The following TRDN variants were observed in gnomAD, a reference collection of about 807,000 sequenced individuals.
The protein encoded by TRDN is triadin in skeletal muscle.
A neutral mutation model predicts 149.7 loss-of-function variants in TRDN; 161 were observed. The observed-to-expected ratio is 1.08, with a 90% CI of 0.95 to 1.23. The LOEUF is 1.23. Ranked by LOEUF, TRDN falls within the 50% of genes most tolerant of loss-of-function variation. TRDN has a pLI of 0.00. For synonymous variants in TRDN, 294 were observed against 250.5 expected (o/e 1.17, Z -1.64); for missense variants, 896 against 823.5 (o/e 1.09, Z -1.08).
At chr6:123,291,559 C>T (rs1214698370) in intron 24 of TRDN, among the ~76,000 whole-genome samples, 3 of 151,612 alleles carry the variant, frequency 2.0e-5, no homozygotes, top group Non-Finnish European at 2.9e-5. Context: ...AGTGAGACTC[C>T]GTCACACAAA....
Position 123,559,798 on chromosome 6 carries a change from C to A in TRDN, c.232+11125G>T, listed in dbSNP as rs530173312. On this transcript the variant is annotated intron_variant, in intron 2 of 40. Transcript: ENST00000334268. The stretch of plus-strand genomic sequence containing the variant: ...TATCAACCAAATTGTTTTGCCTATC[C>A]ACCCTGTGGTTCCAAACCCATATAC... 6.9e-4 allele frequency among the ~76,000 whole-genome samples: 105 copies of A among 152,214 alleles called. 1 individual carries two copies. Among genetic ancestry groups the A allele is most frequent in the South Asian group, 1.7e-3 (8 of 4,828 alleles).
intron 9 of TRDN, among the ~76,000 whole-genome samples, chr6:123,477,926 G>A (rs1777570797): frequency 6.9e-6 from 1 of 145,470 alleles, no homozygotes; most frequent in Non-Finnish European, 1.5e-5. Flanking sequence ...GGGGGAGGGG[G>A]AAGGGATAGC....
At chr6:123,398,454 C>T (rs1378870301) in intron 12 of TRDN, among the ~76,000 whole-genome samples, 2 of 152,158 alleles carry the variant, frequency 1.3e-5, no homozygotes, top group African/African-American at 4.8e-5. Flanking sequence ...ATATATACAT[C>T]CTTTATTTTT....
chr6:123,378,452 TAG>T (rs1491395556), intron 16 of TRDN, among the ~76,000 whole-genome samples: 2 of 113,604 alleles, frequency 1.8e-5, no homozygotes, highest in Non-Finnish European at 3.6e-5. Context: ...GCCAGATTTG[TAG>T]TGTGTGTGTG....
intron 10 of TRDN, among the ~76,000 whole-genome samples, chr6:123,449,101 A>T (rs1775599829): frequency 6.6e-6 from 1 of 152,184 alleles, no homozygotes; most frequent in Non-Finnish European, 1.5e-5. Flanking sequence ...TCACTCTGAC[A>T]GAGCCTACCC....
chr6:123,247,377 A>G (rs763527054), intron 38 of TRDN, among the ~76,000 whole-genome samples: 23 of 152,216 alleles, frequency 1.5e-4, no homozygotes, highest in Admixed American at 1.1e-3. Flanking sequence ...AAACTCATTT[A>G]GCTAATAAGC....
intron 9 of TRDN, among the ~76,000 whole-genome samples, chr6:123,466,465 T>A (rs779325880): frequency 2.6e-5 from 4 of 152,126 alleles, no homozygotes; most frequent in African/African-American, 7.2e-5. Context: ...ATAAGTGGAA[T>A]TGGATTTCAA....
chr6:123,444,047 T>C (rs1252817391), intron 10 of TRDN, among the ~76,000 whole-genome samples: 1 of 149,916 alleles, frequency 6.7e-6, no homozygotes, highest in Admixed American at 6.6e-5. Flanking sequence ...TTTTTTCCAA[T>C]TCTGTGAAGA....
At position 123,331,869 on chromosome 6, in the gene TRDN, A is replaced by T. The variant is rs1408593994; in HGVS notation, c.1471+10T>A. The T allele has an allele frequency of 3.3e-6, 5 of 1,524,456 alleles. No individual in the cohort carries two copies. In the Admixed American group the frequency reaches 1.0e-4, roughly 31 times the overall value. 94.4% of individuals were successfully genotyped at this position (1,524,456 alleles called of 1,614,324 possible). ...TCAATGTGGCTTCACATTTCATTGT[A>T]TAATATTACCTTTTTCCTTTAGGGA... On this transcript the variant is annotated intron_variant, in intron 23 of 40. Coordinates refer to ENST00000334268, the MANE Select transcript of TRDN (RefSeq NM_006073.4).
chr6:123,559,616 T>G (rs898482511), intron 2 of TRDN, among the ~76,000 whole-genome samples: 1 of 152,100 alleles, frequency 6.6e-6, no homozygotes, highest in Non-Finnish European at 1.5e-5. Flanking sequence ...TCAATGCCAA[T>G]ATCCCATCCC....
chr6:123,225,845 T>G (rs1250037739), intron 38 of TRDN, among the ~76,000 whole-genome samples: 1 of 151,734 alleles, frequency 6.6e-6, no homozygotes, highest in Non-Finnish European at 1.5e-5. Flanking sequence ...TAATTTTAAG[T>G]CTGAGGCAAT....
chr6:123,417,307 A>G (rs561165091), intron 12 of TRDN, among the ~76,000 whole-genome samples: 94 of 148,304 alleles, frequency 6.3e-4, no homozygotes, highest in Non-Finnish European at 1.1e-3. Context: ...AAATCCTACA[A>G]TATAAAATTT....
Position 123,217,524 on chromosome 6 carries a change from T to A in TRDN, c.*1077A>T, listed in dbSNP as rs1334047352. ...TATTACCAGGAATATGACAAAAACA[T>A]AACAGTCATTCCCAGGGATGCACTG... On this transcript the variant is annotated 3_prime_UTR_variant, in exon 41 of 41. Coordinates refer to ENST00000334268, the MANE Select transcript of TRDN (RefSeq NM_006073.4). The A allele has an allele frequency of 1.3e-5, 2 of 151,938 alleles. No homozygotes were observed. The highest frequency in any genetic ancestry group is 4.8e-5 in the African/African-American group (2 of 41,396). The allele number at this position is 151,938 out of a possible 1,614,324, so 9.4% of individuals were successfully genotyped here. A position where few individuals can be genotyped will look rare whatever the true frequency, so the allele number is the denominator to read the frequency against.
At chr6:123,352,160 A>T in intron 21 of TRDN, 2 of 984,560 alleles carry the variant, frequency 2.0e-6, no homozygotes, top group Non-Finnish European at 2.4e-6. Flanking sequence ...TTGCATGTAT[A>T]GGATTGGGCC....
At position 123,217,331 on chromosome 6, in the gene TRDN, C is replaced by T. The variant is rs935662666; in HGVS notation, c.*1270G>A. 2.6e-5 allele frequency: 4 copies of T among 151,948 alleles called. No homozygotes were observed. Among genetic ancestry groups the T allele is most frequent in the African/African-American group, 9.7e-5 (4 of 41,428 alleles). 9.4% of individuals were successfully genotyped at this position (151,948 alleles called of 1,614,324 possible). A position where few individuals can be genotyped will look rare whatever the true frequency, so the allele number is the denominator to read the frequency against. Reference sequence around the variant, plus strand: ...ATCACTTGGCTAGTATTGGCTCTGGCTATCTCAGGCCTTGCTGATGGTAAT... The same window carrying T: ...ATCACTTGGCTAGTATTGGCTCTGGTTATCTCAGGCCTTGCTGATGGTAAT... On this transcript the variant is annotated 3_prime_UTR_variant, in exon 41 of 41. Coordinates refer to ENST00000334268, the MANE Select transcript of TRDN (RefSeq NM_006073.4).
intron 9 of TRDN, among the ~76,000 whole-genome samples, chr6:123,490,381 T>G (rs1170205144): frequency 6.6e-6 from 1 of 152,178 alleles, no homozygotes; most frequent in Non-Finnish European, 1.5e-5. Context: ...AAAGGGATGA[T>G]TCACATACTT....
chr6:123,346,989 TA>T (rs11318779), intron 21 of TRDN, among the ~76,000 whole-genome samples: 148,145 of 151,236 alleles, frequency 0.98, 72,564 homozygotes, highest in East Asian at 1. Flanking sequence ...ATTTCAAACA[TA>T]AAAAAAAAAC....
intron 23 of TRDN, among the ~76,000 whole-genome samples, chr6:123,321,318 A>G (rs926949795): frequency 6.6e-6 from 1 of 152,144 alleles, no homozygotes; most frequent in East Asian, 1.9e-4. Flanking sequence ...GATATTTTAA[A>G]CTACTTTTCT....
chr6:123,576,424 G>T (rs1439968169), intron 1 of TRDN, among the ~76,000 whole-genome samples: 3 of 151,806 alleles, frequency 2.0e-5, no homozygotes, highest in African/African-American at 7.3e-5. Flanking sequence ...TTGCCACTTA[G>T]TCTGTCTGCT....
Sources: allele counts gnomAD v4.1 joint callset (sites outside exome capture counted in the v4.1 genomes callset), GRCh38; gene constraint gnomAD v4.1.1; transcripts MANE v1.5; gene names NCBI Gene and HGNC (gene_info 2026-07-23, HGNC 2026-07-21).